Variants in SIPA1L2 observed in about 807,000 individuals in gnomAD.
The protein encoded by SIPA1L2 is signal induced proliferation associated 1 like 2.
Under a neutral mutation model 163.9 loss-of-function variants are expected in SIPA1L2, and 56 were observed. The ratio of observed to expected loss-of-function variants is 0.34; its 90% confidence interval spans 0.28 to 0.43. The LOEUF is 0.43. SIPA1L2 is among the 20% of genes least tolerant of loss of function. SIPA1L2 has a pLI of 1.00. For missense variants in SIPA1L2, 1,974 were observed against 2,193.5 expected (o/e 0.90, Z 2.00); for synonymous variants, 877 against 865.7 (o/e 1.01, Z -0.23).
At chr1:232,501,006 T>C (rs1666441631) in intron 3 of SIPA1L2, among the ~76,000 whole-genome samples, 2 of 150,162 alleles carry the variant, frequency 1.3e-5, no homozygotes, top group African/African-American at 4.9e-5. Context: ...AAAGGTTGAC[T>C]TGCTGAAGGC....
intron 10 of SIPA1L2, among the ~76,000 whole-genome samples, chr1:232,459,319 G>T (rs941471674): frequency 2.0e-5 from 3 of 152,120 alleles, no homozygotes; most frequent in African/African-American, 7.2e-5. Context: ...GCTCTGAACG[G>T]TACAGACACA....
intron 1 of SIPA1L2, among the ~76,000 whole-genome samples, chr1:232,624,932 T>C (rs1662996970): frequency 6.6e-6 from 1 of 152,228 alleles, no homozygotes; most frequent in Non-Finnish European, 1.5e-5. Context: ...TGATTTTTCC[T>C]AGAAGCACTG....
intron 2 of SIPA1L2, among the ~76,000 whole-genome samples, chr1:232,526,720 T>C (rs535941137): frequency 6.6e-6 from 1 of 152,290 alleles, no homozygotes; most frequent in African/African-American, 2.4e-5. Context: ...ACCCTAAAAT[T>C]AGACTTATTC....
intron 12 of SIPA1L2, 63 bp from the exon 13 acceptor site, chr1:232,441,931 G>T: frequency 1.4e-6 from 2 of 1,394,518 alleles, no homozygotes; most frequent in East Asian, 2.4e-5. Flanking sequence ...GCATGCACAC[G>T]GGAGTGCTGG....
chr1:232,400,747 C>T (rs1315378152), intron 22 of SIPA1L2, among the ~76,000 whole-genome samples: 2 of 152,146 alleles, frequency 1.3e-5, no homozygotes, highest in Non-Finnish European at 2.9e-5. Context: ...TTCCATCTGA[C>T]ACTCTGGCCG....
chr1:232,479,821 A>C lies in SIPA1L2; in HGVS notation c.1982-91T>G. The C allele has an allele frequency of 3.6e-6, 4 of 1,098,122 alleles. No homozygotes were observed. In the South Asian group the frequency reaches 4.0e-5, roughly 11 times the overall value. 68.0% of individuals were successfully genotyped at this position (1,098,122 alleles called of 1,614,324 possible). Reference sequence around the variant, plus strand: ...AAGGTTACTGTTGCAAAAACAAAAAACAAAAAACACCAAGCTCTACCCAAC... The same window carrying C: ...AAGGTTACTGTTGCAAAAACAAAAACCAAAAAACACCAAGCTCTACCCAAC... On this transcript the variant is annotated intron_variant, in intron 6 of 22. Transcript: ENST00000674635.
chr1:232,627,492 C>T (rs1402398495), intron 1 of SIPA1L2, among the ~76,000 whole-genome samples: 1 of 151,928 alleles, frequency 6.6e-6, no homozygotes, highest in Admixed American at 6.6e-5. Flanking sequence ...TATCAAGGAA[C>T]CCTTCAAAAC....
chr1:232,447,817 T>C (rs368563885), intron 10 of SIPA1L2, among the ~76,000 whole-genome samples: 2 of 152,244 alleles, frequency 1.3e-5, no homozygotes, highest in African/African-American at 4.8e-5. Flanking sequence ...ATCAAGAGCA[T>C]TGAACATGGG....
At chr1:232,630,412 G>T (rs1162647328), upstream of SIPA1L2, among the ~76,000 whole-genome samples, 1 of 152,154 alleles carries the variant, frequency 6.6e-6, no homozygotes, top group African/African-American at 2.4e-5. Flanking sequence ...GGGCGAGCTC[G>T]AGGGCCGGGC....
intron 10 of SIPA1L2, among the ~76,000 whole-genome samples, chr1:232,457,454 T>C (rs968301582): frequency 6.6e-6 from 1 of 152,182 alleles, no homozygotes; most frequent in African/African-American, 2.4e-5. Flanking sequence ...ACTGTAAAAA[T>C]GTATATGTAT....
At chr1:232,576,548 A>G (rs991044801) in intron 1 of SIPA1L2, among the ~76,000 whole-genome samples, 2 of 152,190 alleles carry the variant, frequency 1.3e-5, no homozygotes, top group African/African-American at 2.4e-5. Flanking sequence ...ACGTAGGCCA[A>G]TTAATAACCA....
chr1:232,572,686 TATACATAC>T (rs1175722492), intron 2 of SIPA1L2, among the ~76,000 whole-genome samples: 4 of 56,666 alleles, frequency 7.1e-5, no homozygotes, highest in African/African-American at 3.7e-4. Flanking sequence ...TACACACACA[TATACATAC>T]ATATATATAT....
intron 5 of SIPA1L2, among the ~76,000 whole-genome samples, chr1:232,487,141 A>G (rs1479027397): frequency 2.0e-5 from 3 of 152,190 alleles, no homozygotes; most frequent in Non-Finnish European, 4.4e-5. Context: ...ACACATACAT[A>G]CTGCCCAGAC....
chr1:232,492,154 C>T (rs1029170296), intron 4 of SIPA1L2, among the ~76,000 whole-genome samples: 5 of 152,046 alleles, frequency 3.3e-5, no homozygotes, highest in Non-Finnish European at 5.9e-5. Context: ...GGGACACCTA[C>T]GTACTAGATA....
At chr1:232,612,001 T>A (rs1399531134) in intron 1 of SIPA1L2, among the ~76,000 whole-genome samples, 1 of 152,130 alleles carries the variant, frequency 6.6e-6, no homozygotes, top group Non-Finnish European at 1.5e-5. Context: ...ACAGACTTGG[T>A]GCCCTGTGTC....
chr1:232,580,715 C>T (rs888386488), intron 1 of SIPA1L2, among the ~76,000 whole-genome samples: 1 of 151,954 alleles, frequency 6.6e-6, no homozygotes, highest in African/African-American at 2.4e-5. Flanking sequence ...GTTAATCTTG[C>T]CTAGATGAGG....
chr1:232,430,924 A>G (rs1464926119), intron 16 of SIPA1L2, among the ~76,000 whole-genome samples: 2 of 152,172 alleles, frequency 1.3e-5, no homozygotes, highest in African/African-American at 4.8e-5. Flanking sequence ...TAGTGTGCAC[A>G]CAACCTGCGA....
At position 232,574,090 on chromosome 1, in the gene SIPA1L2, TA is replaced by T. The variant is rs939981374; in HGVS notation, c.-270+83del. On this transcript the variant is annotated intron_variant, in intron 2 of 22. Transcript: ENST00000674635. ...GCCTAGGGAAACCAAAACAATCTTTTAAAAAAAATTAGTGGGACACAAAACC... is the reference window on the plus strand; with the variant it reads ...GCCTAGGGAAACCAAAACAATCTTTTAAAAAAATTAGTGGGACACAAAACC... 2.6e-5 allele frequency among the ~76,000 whole-genome samples: 4 copies of T among 152,060 alleles called. 1 individual carries two copies. Among genetic ancestry groups the T allele is most frequent in the Middle Eastern group, 3.4e-3 (1 of 294 alleles).
chr1:232,458,091 G>A (rs1332567348), intron 10 of SIPA1L2, among the ~76,000 whole-genome samples: 2 of 152,170 alleles, frequency 1.3e-5, no homozygotes, highest in Non-Finnish European at 2.9e-5. Context: ...ATTTTGGAAC[G>A]TTGCTACTAG....
Sources: allele counts gnomAD v4.1 joint callset (sites outside exome capture counted in the v4.1 genomes callset), GRCh38; gene constraint gnomAD v4.1.1; transcripts MANE v1.5; gene names NCBI Gene and HGNC (gene_info 2026-07-23, HGNC 2026-07-21).